DAB1: variants seen among roughly 807,000 people sequenced by gnomAD.
DAB1 encodes disabled homolog 1.
Under a neutral mutation model 64.6 loss-of-function variants are expected in DAB1, and 15 were observed. The ratio of observed to expected loss-of-function variants is 0.23; its 90% CI spans 0.16 to 0.36. DAB1 has a LOEUF of 0.36. DAB1 is among the 10% of genes least tolerant of loss of function. The pLI, the probability that DAB1 is intolerant of heterozygous loss-of-function variation, is 1.00. For missense variants in DAB1, 596 were observed against 706.7 expected (o/e 0.84, Z 1.78); for synonymous variants, 235 against 251.9 (o/e 0.93, Z 0.64).
chr1:57,337,187 AGCTTTC>A (rs1366842660), intron 1 of DAB1, among the ~76,000 whole-genome samples: 32 of 152,364 alleles, frequency 2.1e-4, no homozygotes, highest in Admixed American at 8.5e-4. Flanking sequence ...CTACTGTAAC[AGCTTTC>A]TGGCTGCAGT....
At chr1:57,878,370 T>C (rs1293675283) in intron 1 of DAB1, 2 of 152,294 alleles carry the variant, frequency 1.3e-5, no homozygotes, top group East Asian at 3.9e-4. Context: ...ACAATTTGTG[T>C]TAATTAAATT....
At chr1:58,373,792 C>G (rs1047826418) in intron 3 of DAB1, among the ~76,000 whole-genome samples, 3 of 151,230 alleles carry the variant, frequency 2.0e-5, no homozygotes, top group Non-Finnish European at 4.4e-5. Context: ...TACAGTCCCA[C>G]CAACAGTGTA....
At chr1:58,148,841 T>C (rs1477193354) in intron 5 of DAB1, among the ~76,000 whole-genome samples, 2 of 152,128 alleles carry the variant, frequency 1.3e-5, no homozygotes, top group African/African-American at 2.4e-5. Context: ...ATGAGGATTA[T>C]GGGAGCTACA....
At chr1:58,355,476 G>C (rs1644101294) in intron 3 of DAB1, among the ~76,000 whole-genome samples, 1 of 152,130 alleles carries the variant, frequency 6.6e-6, no homozygotes, top group African/African-American at 2.4e-5. Context: ...AAGCGCTGAT[G>C]AATCTATCCC....
intron 7 of DAB1, among the ~76,000 whole-genome samples, chr1:57,597,979 TTTTTA>T (rs1645530363): frequency 6.6e-6 from 1 of 152,176 alleles, no homozygotes; most frequent in African/African-American, 2.4e-5. Context: ...TTTATTTTTA[TTTTTA>T]TTTATTTCTT....
chr1:58,354,517 T>C (rs1157112234), intron 3 of DAB1, among the ~76,000 whole-genome samples: 2 of 152,312 alleles, frequency 1.3e-5, no homozygotes, highest in South Asian at 2.1e-4. Flanking sequence ...GAAATTGTAA[T>C]GAAACAAGTC....
chr1:57,152,412 C>T (rs1056439990), intron 2 of DAB1, among the ~76,000 whole-genome samples: 7 of 152,194 alleles, frequency 4.6e-5, no homozygotes, highest in South Asian at 2.1e-4. Context: ...TCAAGTAATC[C>T]GAGAATTGAA....
intron 2 of DAB1, among the ~76,000 whole-genome samples, chr1:57,193,456 G>A (rs559901301): frequency 3.6e-5 from 5 of 137,270 alleles, no homozygotes; most frequent in East Asian, 2.2e-4. Context: ...GCGCGATCTC[G>A]GCTCACTACA....
At chr1:57,003,727 T>C (rs1645958005) in intron 14 of DAB1, among the ~76,000 whole-genome samples, 3 of 152,310 alleles carry the variant, frequency 2.0e-5, no homozygotes, top group South Asian at 4.1e-4. Context: ...TAGTCTAATC[T>C]ACTTTCCATC....
chr1:57,009,754 G>T (rs1311930193), intron 14 of DAB1, among the ~76,000 whole-genome samples: 1 of 152,186 alleles, frequency 6.6e-6, no homozygotes, highest in Admixed American at 6.5e-5. Context: ...TCATGTCTGG[G>T]TAACAAGGTG....
chr1:57,209,229 G>A (rs145376970), intron 2 of DAB1, among the ~76,000 whole-genome samples: 3 of 152,212 alleles, frequency 2.0e-5, no homozygotes, highest in South Asian at 4.1e-4. Flanking sequence ...ACTGCACTGA[G>A]TGTTTCTAGC....
At chr1:57,682,521 T>C (rs1337891900) in intron 6 of DAB1, among the ~76,000 whole-genome samples, 1 of 151,256 alleles carries the variant, frequency 6.6e-6, no homozygotes, top group Admixed American at 6.6e-5. Context: ...GAGGCTGAAG[T>C]GGGAAGAAGC....
At chr1:57,730,446 T>G (rs756862666) in intron 6 of DAB1, among the ~76,000 whole-genome samples, 1 of 152,212 alleles carries the variant, frequency 6.6e-6, no homozygotes, top group Non-Finnish European at 1.5e-5. Context: ...TGTGTTCAAC[T>G]AGTCAGAGCG....
chr1:57,918,547 A>G (rs572722953), intron 5 of DAB1, among the ~76,000 whole-genome samples: 2 of 152,276 alleles, frequency 1.3e-5, no homozygotes, highest in Admixed American at 6.5e-5. Context: ...GACCTAAGCC[A>G]GGCGCGGTGG....
intron 4 of DAB1, among the ~76,000 whole-genome samples, chr1:58,247,710 C>A (rs1660611592): frequency 6.6e-6 from 1 of 152,068 alleles, no homozygotes; most frequent in Admixed American, 6.5e-5. Context: ...TCTGGTCGCT[C>A]CCTCTTAGGG....
intron 2 of DAB1, among the ~76,000 whole-genome samples, chr1:57,206,967 C>CTTTTTT (rs1665597639): frequency 2.0e-5 from 2 of 98,478 alleles, no homozygotes; most frequent in Admixed American, 1.2e-4. Flanking sequence ...TTCCTTCCTT[C>CTTTTTT]CTTTTTTTTT....
chr1:58,533,090 A>G (rs1646461726), intron 1 of DAB1, among the ~76,000 whole-genome samples: 1 of 152,234 alleles, frequency 6.6e-6, no homozygotes, highest in Admixed American at 6.5e-5. Context: ...TCTAATGTAG[A>G]CAAAAGAGCC....
chr1:57,633,975 A>G (rs746862831), intron 7 of DAB1, among the ~76,000 whole-genome samples: 5 of 152,250 alleles, frequency 3.3e-5, no homozygotes, highest in Non-Finnish European at 5.9e-5. Context: ...ACAAGAGTCA[A>G]TTGAGACCAG....
At chr1:57,714,835 G>A (rs188191847) in intron 6 of DAB1, among the ~76,000 whole-genome samples, 32 of 152,282 alleles carry the variant, frequency 2.1e-4, no homozygotes, top group African/African-American at 7.5e-4. Context: ...GAGTCATGGT[G>A]TAAAGGTATG....
Sources: gnomAD v4.1 joint callset for allele counts (sites outside exome capture counted in the v4.1 genomes callset) on GRCh38, gnomAD v4.1.1 for gene constraint, MANE v1.5 for transcripts, NCBI Gene and HGNC (gene_info 2026-07-23, HGNC 2026-07-21) for gene names.